Variants in KLHL2 observed in about 807,000 individuals in gnomAD.
KLHL2 encodes the protein kelch like family member 2.
Under a neutral mutation model 75.8 loss-of-function variants are expected in KLHL2, and 15 were observed. The ratio of observed to expected loss-of-function variants is 0.20; its 90% CI spans 0.13 to 0.30. The LOEUF (loss-of-function observed/expected upper bound fraction) is 0.30. Among genes scored for constraint, KLHL2 ranks in the 10% least tolerant of loss-of-function variants. KLHL2 has a pLI of 1.00. For synonymous variants in KLHL2, 214 were observed against 251.9 expected, an observed-to-expected ratio of 0.85 and a Z score of 1.42; for missense variants, 381 against 741.0, an observed-to-expected ratio of 0.51 and a Z score of 5.64.
chr4:165,302,215 T>C (rs1329162151), intron 8 of KLHL2, among the ~76,000 whole-genome samples: 2 of 152,230 alleles, frequency 1.3e-5, no homozygotes. Context: ...TCAGTGTGTT[T>C]GTTTATCCAC....
chr4:165,313,472 T>C (rs961889479), intron 12 of KLHL2, 106 bp downstream of exon 12: 2 of 1,044,792 alleles, frequency 1.9e-6, no homozygotes, highest in African/African-American at 1.7e-5. Context: ...ATATATGATA[T>C]GCTGATTTTA....
chr4:165,241,999 C>T (rs1440995914), intron 4 of KLHL2, among the ~76,000 whole-genome samples: 1 of 151,916 alleles, frequency 6.6e-6, no homozygotes, highest in Non-Finnish European at 1.5e-5. Context: ...TTTGTTGCTG[C>T]TGTTGTTTTT....
At chr4:165,295,379 A>G (rs1045358920) in intron 6 of KLHL2, among the ~76,000 whole-genome samples, 66 of 152,360 alleles carry the variant, frequency 4.3e-4, no homozygotes, top group African/African-American at 1.6e-3. Context: ...TTTGTGACAT[A>G]TATAATCTTA....
At chr4:165,251,241 A>G (rs1171465072) in intron 4 of KLHL2, among the ~76,000 whole-genome samples, 7 of 151,774 alleles carry the variant, frequency 4.6e-5, no homozygotes, top group Non-Finnish European at 7.4e-5. Flanking sequence ...ACATTCTAGC[A>G]CCCAGAAATC....
At chr4:165,238,686 G>A (rs1284828052) in intron 3 of KLHL2, 92 bp from the exon 4 acceptor site, 3 of 1,584,858 alleles carry the variant, frequency 1.9e-6, no homozygotes, top group Non-Finnish European at 2.6e-6. Context: ...TGAATACAGT[G>A]AGTGGCAAGA....
intron 1 of KLHL2, among the ~76,000 whole-genome samples, chr4:165,214,627 A>T (rs1240739906): frequency 5.3e-5 from 8 of 152,208 alleles, no homozygotes; most frequent in Admixed American, 1.3e-4. Flanking sequence ...GCTTCCCCAC[A>T]CACTTAACAT....
intron 2 of KLHL2, among the ~76,000 whole-genome samples, chr4:165,220,428 G>A (rs560538963): frequency 6.6e-6 from 1 of 152,050 alleles, no homozygotes; most frequent in Non-Finnish European, 1.5e-5. Flanking sequence ...GAGTTAAAAA[G>A]AATACAGTAG....
intron 5 of KLHL2, 87 bp downstream of exon 5, chr4:165,263,446 A>G: frequency 1.9e-6 from 3 of 1,550,326 alleles, no homozygotes; most frequent in Non-Finnish European, 1.7e-6. Flanking sequence ...AAGTCATGTC[A>G]TATTTCTGGA....
intron 4 of KLHL2, among the ~76,000 whole-genome samples, chr4:165,246,927 C>T (rs535355249): frequency 6.6e-6 from 1 of 152,198 alleles, no homozygotes; most frequent in African/African-American, 2.4e-5. Context: ...AAGACATAAT[C>T]TGGGGCATTC....
At chr4:165,237,660 G>A (rs560821937) in intron 3 of KLHL2, among the ~76,000 whole-genome samples, 2,255 of 152,286 alleles carry the variant, frequency 0.015, 54 homozygotes, top group African/African-American at 0.051. Flanking sequence ...AAAGAAGTGA[G>A]CTTTCAAGAA....
intron 13 of KLHL2, 150 bp downstream of exon 13, chr4:165,314,316 A>G: frequency 1.5e-6 from 1 of 662,762 alleles, no homozygotes; most frequent in Non-Finnish European, 2.5e-6. Flanking sequence ...AAAGCCAGAA[A>G]CTTATGTAAT....
intron 3 of KLHL2, among the ~76,000 whole-genome samples, chr4:165,233,028 G>A (rs1739042328): frequency 6.6e-6 from 1 of 151,642 alleles, no homozygotes; most frequent in Non-Finnish European, 1.5e-5. Context: ...TTGTTTTCCT[G>A]TGACTAACCT....
At chr4:165,211,941 A>T (rs376837672) in intron 1 of KLHL2, among the ~76,000 whole-genome samples, 5 of 152,266 alleles carry the variant, frequency 3.3e-5, no homozygotes, top group Admixed American at 6.5e-5. Context: ...CTGTAAGTTT[A>T]CTCATCTATG....
At chr4:165,274,222 G>A (rs1417457231) in intron 5 of KLHL2, among the ~76,000 whole-genome samples, 1 of 152,100 alleles carries the variant, frequency 6.6e-6, no homozygotes, top group East Asian at 1.9e-4. Flanking sequence ...CAGAAGGGAG[G>A]AGAAAGAAGC....
At chr4:165,266,403 T>C (rs1359434088) in intron 5 of KLHL2, among the ~76,000 whole-genome samples, 1 of 152,260 alleles carries the variant, frequency 6.6e-6, no homozygotes, top group Non-Finnish European at 1.5e-5. Context: ...CCCATGCCTA[T>C]GTCCTGAATG....
intron 3 of KLHL2, among the ~76,000 whole-genome samples, chr4:165,237,305 A>G (rs1739431867): frequency 6.7e-6 from 1 of 149,194 alleles, no homozygotes; most frequent in Non-Finnish European, 1.5e-5. Context: ...CAGGGGAAAA[A>G]CATTTGCCGT....
intron 5 of KLHL2, among the ~76,000 whole-genome samples, chr4:165,263,772 T>C (rs1163324742): frequency 6.7e-6 from 1 of 150,160 alleles, no homozygotes; most frequent in African/African-American, 2.5e-5. Flanking sequence ...AGTATATGCA[T>C]GTGAAGTTAT....
chr4:165,279,111 C>G (rs1743423984), intron 5 of KLHL2: 1 of 1,592,826 alleles, frequency 6.3e-7, no homozygotes, highest in Non-Finnish European at 8.6e-7. Context: ...AGCCATGAAT[C>G]AATAGTCCCA....
At chr4:165,280,142 C>G (rs1743552901) in intron 5 of KLHL2, among the ~76,000 whole-genome samples, 1 of 152,204 alleles carries the variant, frequency 6.6e-6, no homozygotes, top group Non-Finnish European at 1.5e-5. Flanking sequence ...CAACTCTTGG[C>G]CGTTCAGCCT....
Sources: allele counts gnomAD v4.1 joint callset (sites outside exome capture counted in the v4.1 genomes callset), GRCh38; gene constraint gnomAD v4.1.1; transcripts MANE v1.5; gene names NCBI Gene and HGNC (gene_info 2026-07-23, HGNC 2026-07-21).